The following SYTL3 variants were observed in gnomAD, a reference collection of about 807,000 sequenced individuals.
SYTL3 encodes synaptotagmin-like protein 3.
SYTL3 carries 88 observed loss-of-function variants against 82.1 expected under a neutral mutation model. That is an observed-to-expected ratio of 1.07 (90% CI 0.90 to 1.28). The LOEUF (loss-of-function observed/expected upper bound fraction) is 1.28. SYTL3 is among the 50% of genes most tolerant of loss of function. The pLI, the probability that SYTL3 is intolerant of heterozygous loss-of-function variation, is 0.00. For synonymous variants in SYTL3, 311 were observed against 289.4 expected (o/e 1.07, Z -0.76); for missense variants, 831 against 757.6 (o/e 1.10, Z -1.14).
chr6:158,689,708 C>T (rs926838499), intron 6 of SYTL3, among the ~76,000 whole-genome samples: 7 of 151,534 alleles, frequency 4.6e-5, no homozygotes, highest in South Asian at 2.1e-4. Context: ...GGCTGGAGTA[C>T]CATGGCGCAA....
chr6:158,757,132 A>C, intron 13 of SYTL3, 79 bp from the exon 14 acceptor site: 1 of 1,427,900 alleles, frequency 7.0e-7, no homozygotes, highest in Non-Finnish European at 9.4e-7. Flanking sequence ...GGGGCCCTGG[A>C]AGGTGGGGTC....
At chr6:158,663,734 G>A (rs1321704538) in intron 4 of SYTL3, 3 of 439,316 alleles carry the variant, frequency 6.8e-6, no homozygotes, top group Non-Finnish European at 9.1e-6. Flanking sequence ...AAGACCTCCA[G>A]TTAAGGGTTT....
intron 6 of SYTL3, among the ~76,000 whole-genome samples, chr6:158,696,288 C>T (rs1379673619): frequency 6.6e-6 from 1 of 152,036 alleles, no homozygotes; most frequent in African/African-American, 2.4e-5. Flanking sequence ...CAATTTCTGC[C>T]TCCAGGGTTC....
In SYTL3 at chr6:158,692,054, G is replaced by A. The variant is rs541672828; in HGVS notation, c.394+9065G>A. ...GGGCGGATCACGAGGTCAGGAGATC[G>A]AGACCATCCTGGCTAACACGGTGAA... is the stretch of plus-strand genomic sequence containing the variant. On this transcript the variant is annotated intron_variant, in intron 6 of 17. Coordinates refer to ENST00000611299, the MANE Select transcript of SYTL3 (RefSeq NM_001242394.2). 8.2e-4 allele frequency among the ~76,000 whole-genome samples: 120 copies of A among 146,150 alleles called. 1 individual carries two copies. Among genetic ancestry groups the A allele is most frequent in the Non-Finnish European group, 1.5e-3 (102 of 66,136 alleles).
At chr6:158,701,163 G>A (rs562239563) in intron 6 of SYTL3, among the ~76,000 whole-genome samples, 2 of 148,236 alleles carry the variant, frequency 1.3e-5, no homozygotes, top group African/African-American at 5.2e-5. Context: ...GAGCTGGGGT[G>A]TAGATGAAGG....
rs1454331277 is a variant in SYTL3, at chr6:158,676,939, C to G, written c.330-5986C>G. Among the ~76,000 whole-genome samples the G allele has an allele frequency of 5.3e-4, 81 of 152,204 alleles. 1 individual carries two copies. Among genetic ancestry groups the G allele is most frequent in the African/African-American group, 1.9e-3 (78 of 41,536 alleles). On this transcript the variant is annotated intron_variant, in intron 5 of 17. Transcript: ENST00000611299. The stretch of plus-strand genomic sequence containing the variant: ...TGGAGAGGATGTGGAGAAATAGGAA[C>G]ACTTTTACACTGTTGGTGGGACTGT...
intron 2 of SYTL3, among the ~76,000 whole-genome samples, chr6:158,655,558 A>G (rs1395072388): frequency 6.6e-6 from 1 of 152,200 alleles, no homozygotes; most frequent in African/African-American, 2.4e-5. Context: ...AATGAGGAGA[A>G]AGTTTCTGAA....
intron 8 of SYTL3, among the ~76,000 whole-genome samples, chr6:158,712,790 G>A (rs1362289489): frequency 7.3e-6 from 1 of 137,722 alleles, no homozygotes; most frequent in African/African-American, 2.7e-5. Context: ...ACAGAGTCTC[G>A]CTCTATTGCC....
chr6:158,652,008 A>T (rs1024227686), intron 2 of SYTL3, among the ~76,000 whole-genome samples, 166 bp downstream of exon 2: 8 of 150,802 alleles, frequency 5.3e-5, no homozygotes, highest in African/African-American at 2.0e-4. Context: ...GTTCACTGCA[A>T]CCCCTGCCTC....
Position 158,718,209 on chromosome 6 carries a change from A to G in SYTL3, c.718A>G (p.Arg240Gly). ...TGACACTGCGGTCAACGTCACCACC[A>G]GGGTACCCTGAGCCCCACAAGGCCT... ...QSDTAVNVTT[R>G]KVSAPDILKP... The change falls in exon 10 of 18, where the codon AGG becomes GGG. Residue 240 changes from arginine to glycine, a missense_variant and splice_region_variant. Coordinates refer to ENST00000611299, the MANE Select transcript of SYTL3 (RefSeq NM_001242394.2). 1 of 1,529,944 alleles carries G rather than the reference A, an allele frequency of 6.5e-7. No homozygotes were observed. Among genetic ancestry groups the G allele is most frequent in the African/African-American group, 1.4e-5 (1 of 72,362 alleles). 94.8% of individuals were successfully genotyped at this position (1,529,944 alleles called of 1,614,324 possible). A position where few individuals can be genotyped will look rare whatever the true frequency, so the allele number is the denominator to read the frequency against.
chr6:158,763,051 A>G (rs918064216), intron 16 of SYTL3, among the ~76,000 whole-genome samples: 7 of 152,302 alleles, frequency 4.6e-5, no homozygotes, highest in Admixed American at 3.9e-4. Context: ...GGTGGGAGGC[A>G]CCCCAAGGAG....
At chr6:158,738,148 AC>A (rs1786460535) in intron 11 of SYTL3, among the ~76,000 whole-genome samples, 1 of 152,170 alleles carries the variant, frequency 6.6e-6, no homozygotes, top group Non-Finnish European at 1.5e-5. Context: ...CAGGACACTC[AC>A]GCCTGCATGC....
chr6:158,668,226 T>TTTTG (rs1554241845), intron 5 of SYTL3, among the ~76,000 whole-genome samples: 1 of 150,886 alleles, frequency 6.6e-6, no homozygotes. Context: ...GGGCAGAGTC[T>TTTTG]TTTATTTATT....
intron 9 of SYTL3, among the ~76,000 whole-genome samples, chr6:158,717,168 G>A (rs1783518095): frequency 1.3e-5 from 2 of 152,104 alleles, no homozygotes; most frequent in African/African-American, 4.8e-5. Flanking sequence ...CAGCTACTTG[G>A]GAGGCTGAGG....
chr6:158,746,893 G>C (rs1787738278), intron 12 of SYTL3, among the ~76,000 whole-genome samples: 1 of 151,878 alleles, frequency 6.6e-6, no homozygotes, highest in Non-Finnish European at 1.5e-5. Context: ...GACTCAAGCA[G>C]TTCTCCCACC....
intron 10 of SYTL3, among the ~76,000 whole-genome samples, chr6:158,725,072 T>G (rs527625800): frequency 1.6e-4 from 25 of 151,896 alleles, no homozygotes; most frequent in Non-Finnish European, 2.1e-4. Context: ...CAAAGTATTT[T>G]TAGAAAATTT....
intron 6 of SYTL3, among the ~76,000 whole-genome samples, chr6:158,686,086 A>G (rs958470341): frequency 6.6e-6 from 1 of 152,208 alleles, no homozygotes. Flanking sequence ...GTTTGTGCAC[A>G]CACGTTACCA....
intron 14 of SYTL3, 47 bp downstream of exon 14, chr6:158,757,428 GATAA>G (rs757316811): frequency 5.0e-6 from 8 of 1,589,526 alleles, no homozygotes; most frequent in African/African-American, 1.3e-5. Flanking sequence ...CACTGTGATA[GATAA>G]ATAACTTTTC....
chr6:158,740,245 T>C (rs1786762805), intron 11 of SYTL3, among the ~76,000 whole-genome samples: 1 of 152,052 alleles, frequency 6.6e-6, no homozygotes, highest in Admixed American at 6.6e-5. Context: ...ATCTGCCTGC[T>C]TCGGTCTCCC....
Sources: allele counts gnomAD v4.1 joint callset (sites outside exome capture counted in the v4.1 genomes callset), GRCh38; gene constraint gnomAD v4.1.1; transcripts MANE v1.5; gene names NCBI Gene and HGNC (gene_info 2026-07-23, HGNC 2026-07-21).